The following ROBO1 variants were observed in gnomAD, a reference collection of about 807,000 sequenced individuals.
The protein encoded by ROBO1 is roundabout homolog 1.
In ROBO1, 149 loss-of-function variants were observed where a neutral mutation model predicts 195.9. The ratio of observed to expected loss-of-function variants is 0.76; its 90% CI spans 0.67 to 0.87. The LOEUF (loss-of-function observed/expected upper bound fraction) is 0.87, where lower values mean the gene tolerates loss of function less well. ROBO1 is among the 40% of genes least tolerant of loss of function. The pLI is 0.00. For synonymous variants in ROBO1, 816 were observed against 733.2 expected, an observed-to-expected ratio of 1.11 and a Z score of -1.82; for missense variants, 1,933 against 2,068.3, an observed-to-expected ratio of 0.93 and a Z score of 1.27.
intron 2 of ROBO1, among the ~76,000 whole-genome samples, chr3:79,572,809 G>A (rs1943323003): frequency 6.6e-6 from 1 of 152,030 alleles, no homozygotes; most frequent in African/African-American, 2.4e-5. Context: ...TTGTTTTTCT[G>A]GCAGAAAATA....
At chr3:79,623,939 G>T (rs1945088955) in intron 1 of ROBO1, among the ~76,000 whole-genome samples, 1 of 152,096 alleles carries the variant, frequency 6.6e-6, no homozygotes, top group African/African-American at 2.4e-5. Context: ...GTTAAGGGCA[G>T]CCAGAGAGAA....
At chr3:78,765,737 G>C (rs1183438360) in intron 4 of ROBO1, among the ~76,000 whole-genome samples, 1 of 152,142 alleles carries the variant, frequency 6.6e-6, no homozygotes, top group Non-Finnish European at 1.5e-5. Context: ...CTTTAATAGA[G>C]GACAAAGCTA....
intron 3 of ROBO1, among the ~76,000 whole-genome samples, chr3:79,078,670 A>G (rs1419445387): frequency 2.6e-5 from 4 of 151,838 alleles, no homozygotes; most frequent in Admixed American, 2.0e-4. Context: ...ACGTCATCTC[A>G]AAGAAAAATA....
At chr3:79,022,358 A>G (rs1021655248) in intron 3 of ROBO1, among the ~76,000 whole-genome samples, 4 of 152,228 alleles carry the variant, frequency 2.6e-5, no homozygotes, top group African/African-American at 9.6e-5. Flanking sequence ...GAAGGTGCAC[A>G]AAACAGAACA....
In ROBO1 at chr3:78,806,550, G is replaced by C. The variant is rs531862667; in HGVS notation, c.500-59650C>G. 3.3e-5 allele frequency among the ~76,000 whole-genome samples: 5 copies of C among 152,256 alleles called. No individual in the cohort carries two copies. In the East Asian group the frequency reaches 9.7e-4, roughly 29 times the overall value. On this transcript the variant is annotated intron_variant, in intron 4 of 30. Coordinates refer to ENST00000464233, the MANE Select transcript of ROBO1 (RefSeq NM_002941.4). ...GTGGGCAGCAGGTTTCAAGAGAAGA[G>C]ACTGTAGATATGCATAGGGCCAGAT...
intron 2 of ROBO1, among the ~76,000 whole-genome samples, chr3:79,198,659 C>T (rs1559729581): frequency 6.6e-6 from 1 of 152,022 alleles, no homozygotes; most frequent in Non-Finnish European, 1.5e-5. Context: ...ATTGATTCTT[C>T]CTATCCATGA....
In ROBO1 at chr3:78,636,186, C is replaced by T. The variant is rs996802425; in HGVS notation, c.3038-78G>A. The T allele has an allele frequency of 1.5e-5, 16 of 1,051,434 alleles. No individual in the cohort carries two copies. The East Asian group carries it at 2.3e-4, about 15-fold the overall frequency. The allele number at this position is 1,051,434 out of a possible 1,614,324, so 65.1% of individuals were successfully genotyped here. On this transcript the variant is annotated intron_variant, in intron 22 of 30. Transcript: ENST00000464233. Reference sequence around the variant, plus strand: ...TTAAATTTCTTTTTACGTAGCTTTGCGAGTCATCAGAAAATCGTTATGTAA... The same window carrying T: ...TTAAATTTCTTTTTACGTAGCTTTGTGAGTCATCAGAAAATCGTTATGTAA...
chr3:79,507,253 A>G lies in ROBO1; in HGVS notation c.88+82571T>C, dbSNP rs1940449715. ...GAAGAGGGTTCTTTGATAAAAATGT[A>G]GACCACAAATAAATGCCTACCAAGG... On this transcript the variant is annotated intron_variant, in intron 2 of 30. Coordinates refer to ENST00000464233, the MANE Select transcript of ROBO1 (RefSeq NM_002941.4). Among the ~76,000 whole-genome samples the G allele has an allele frequency of 2.6e-5, 4 of 152,216 alleles. No individual in the cohort carries two copies. In the South Asian group the frequency reaches 8.3e-4, roughly 32 times the overall value.
intron 1 of ROBO1, among the ~76,000 whole-genome samples, chr3:79,684,397 T>C (rs1169796434): frequency 6.6e-6 from 1 of 152,130 alleles, no homozygotes; most frequent in Non-Finnish European, 1.5e-5. Flanking sequence ...GATTCTTTCC[T>C]ACATTTCTTT....
intron 21 of ROBO1, among the ~76,000 whole-genome samples, chr3:78,644,913 G>A (rs777398859): frequency 7.2e-4 from 110 of 152,278 alleles, no homozygotes; most frequent in Middle Eastern, 3.4e-3. Context: ...CACATGTAAT[G>A]AAGTGGTTAT....
chr3:79,329,315 T>C (rs1218712867), intron 2 of ROBO1, among the ~76,000 whole-genome samples: 1 of 152,178 alleles, frequency 6.6e-6, no homozygotes, highest in Non-Finnish European at 1.5e-5. Context: ...CTCAAGTTAC[T>C]AGGTAACAGA....
intron 11 of ROBO1, 36 bp from the exon 12 acceptor site, chr3:78,668,601 A>C (rs1707876783): frequency 1.3e-6 from 2 of 1,599,050 alleles, no homozygotes; most frequent in Admixed American, 1.7e-5. Flanking sequence ...ATTTGGAAAA[A>C]TCAAGAACTC....
At chr3:78,937,096 AATT>A (rs1304921842) in intron 4 of ROBO1, among the ~76,000 whole-genome samples, 2 of 152,088 alleles carry the variant, frequency 1.3e-5, no homozygotes, top group Non-Finnish European at 2.9e-5. Flanking sequence ...TATTGTATCT[AATT>A]ATATTTTACA....
chr3:79,527,001 T>A (rs1364353667), intron 2 of ROBO1, among the ~76,000 whole-genome samples: 1 of 152,146 alleles, frequency 6.6e-6, no homozygotes, highest in Non-Finnish European at 1.5e-5. Flanking sequence ...TTTTTCTGAA[T>A]ACACATGAGG....
intron 2 of ROBO1, among the ~76,000 whole-genome samples, chr3:79,472,301 G>A (rs1054881387): frequency 6.6e-6 from 1 of 152,032 alleles, no homozygotes; most frequent in African/African-American, 2.4e-5. Context: ...AAATTCAGAG[G>A]GGGCCAAGAA....
At chr3:79,214,519 C>T (rs1254985861) in intron 2 of ROBO1, among the ~76,000 whole-genome samples, 1 of 151,870 alleles carries the variant, frequency 6.6e-6, no homozygotes, top group Admixed American at 6.6e-5. Context: ...TATTGTAAGG[C>T]GAATTCAACG....
At chr3:79,034,885 A>G (rs2078356303) in intron 3 of ROBO1, among the ~76,000 whole-genome samples, 1 of 152,136 alleles carries the variant, frequency 6.6e-6, no homozygotes, top group African/African-American at 2.4e-5. Flanking sequence ...TATATGTCCT[A>G]GAATATGTGA....
intron 4 of ROBO1, among the ~76,000 whole-genome samples, chr3:78,801,239 G>A (rs1296427772): frequency 1.3e-5 from 2 of 152,150 alleles, no homozygotes; most frequent in Non-Finnish European, 2.9e-5. Flanking sequence ...TGGATCGGAT[G>A]AATTAGTCCT....
At chr3:78,922,631 T>C (rs546129821) in intron 4 of ROBO1, among the ~76,000 whole-genome samples, 1 of 136,348 alleles carries the variant, frequency 7.3e-6, no homozygotes, top group Non-Finnish European at 1.6e-5. Flanking sequence ...TTTGACAGAG[T>C]CTCATTCTTG....
Sources: allele counts gnomAD v4.1 joint callset (sites outside exome capture counted in the v4.1 genomes callset), GRCh38; gene constraint gnomAD v4.1.1; transcripts MANE v1.5; gene names NCBI Gene and HGNC (gene_info 2026-07-23, HGNC 2026-07-21).